CADM2: variants seen among roughly 807,000 people sequenced by gnomAD.
The protein encoded by CADM2 is cell adhesion molecule 2, also known as immunoglobulin superfamily member 4D.
In CADM2, 12 loss-of-function variants were observed where a neutral mutation model predicts 49.8. The observed-to-expected ratio is 0.24, with a 90% CI of 0.15 to 0.39. The LOEUF (loss-of-function observed/expected upper bound fraction) is 0.39, where lower values mean the gene tolerates loss of function less well. Among genes scored for constraint, CADM2 ranks in the 10% least tolerant of loss-of-function variants. The pLI, the probability that CADM2 is intolerant of heterozygous loss-of-function variation, is 1.00. For missense variants in CADM2, 378 were observed against 492.3 expected, an observed-to-expected ratio of 0.77 and a Z score of 2.20; for synonymous variants, 214 against 175.4, an observed-to-expected ratio of 1.22 and a Z score of -1.74.
intron 8 of CADM2, among the ~76,000 whole-genome samples, chr3:86,026,832 C>G (rs1224657813): frequency 6.6e-6 from 1 of 152,130 alleles, no homozygotes; most frequent in Non-Finnish European, 1.5e-5. Context: ...ATACTGAATA[C>G]TTCATGAATT....
chr3:85,925,440 TA>T (rs1465267747), intron 6 of CADM2, among the ~76,000 whole-genome samples: 2 of 152,148 alleles, frequency 1.3e-5, no homozygotes, highest in Admixed American at 6.6e-5. Context: ...TTTTCAGTAT[TA>T]AGAAATGTAA....
intron 1 of CADM2, among the ~76,000 whole-genome samples, chr3:85,360,244 G>T (rs931984539): frequency 1.3e-5 from 2 of 152,096 alleles, no homozygotes; most frequent in African/African-American, 4.8e-5. Context: ...TTCTCACAAA[G>T]CTTAGGACTT....
At chr3:85,191,180 T>C (rs2041198280) in intron 1 of CADM2, among the ~76,000 whole-genome samples, 1 of 151,962 alleles carries the variant, frequency 6.6e-6, no homozygotes, top group Non-Finnish European at 1.5e-5. Flanking sequence ...CTCCTAACTA[T>C]TCCCTCCTTC....
At chr3:85,081,177 CTTAAGT>C (rs2037150013) in intron 1 of CADM2, among the ~76,000 whole-genome samples, 1 of 151,996 alleles carries the variant, frequency 6.6e-6, no homozygotes, top group Non-Finnish European at 1.5e-5. Flanking sequence ...TCCATTTTAT[CTTAAGT>C]TTATGTTATA....
intron 1 of CADM2, among the ~76,000 whole-genome samples, chr3:85,439,140 A>G (rs986641123): frequency 6.7e-6 from 1 of 148,582 alleles, no homozygotes; most frequent in Non-Finnish European, 1.5e-5. Flanking sequence ...GTGACTTAAT[A>G]ATGACTTATA....
At chr3:85,601,517 C>T (rs564943194) in intron 1 of CADM2, among the ~76,000 whole-genome samples, 1 of 151,188 alleles carries the variant, frequency 6.6e-6, no homozygotes, top group Admixed American at 6.6e-5. Flanking sequence ...TTGTTTTTGT[C>T]ATTTAAATAC....
intron 1 of CADM2, among the ~76,000 whole-genome samples, chr3:85,237,958 C>T (rs1308158920): frequency 6.6e-6 from 1 of 151,468 alleles, no homozygotes; most frequent in Non-Finnish European, 1.5e-5. Flanking sequence ...AATATCAGCC[C>T]CATGATTTGC....
intron 6 of CADM2, among the ~76,000 whole-genome samples, chr3:85,924,461 C>T (rs760091839): frequency 6.6e-6 from 1 of 151,846 alleles, no homozygotes; most frequent in African/African-American, 2.4e-5. Flanking sequence ...TGAGTGGTGG[C>T]GTGTTCCTGT....
At chr3:85,198,349 T>C (rs1030165998) in intron 1 of CADM2, among the ~76,000 whole-genome samples, 3 of 151,688 alleles carry the variant, frequency 2.0e-5, no homozygotes, top group African/African-American at 4.8e-5. Flanking sequence ...GCAGGGGAGA[T>C]GTGTTCTTTA....
At chr3:85,622,102 A>C (rs2107492638) in intron 1 of CADM2, among the ~76,000 whole-genome samples, 1 of 152,328 alleles carries the variant, frequency 6.6e-6, no homozygotes, top group East Asian at 1.9e-4. Flanking sequence ...TATTTTCATT[A>C]GGTTACATAT....
intron 1 of CADM2, among the ~76,000 whole-genome samples, chr3:85,047,610 ATATCTT>A: frequency 6.6e-6 from 1 of 152,290 alleles, no homozygotes; most frequent in Admixed American, 6.5e-5. Context: ...TACATACAGT[ATATCTT>A]TAACTTTCAC....
At position 85,226,250 on chromosome 3, in the gene CADM2, AT is replaced by A. The variant is rs149057525; in HGVS notation, c.61+266595del. Among the ~76,000 whole-genome samples the A allele has an allele frequency of 3.7e-3, 540 of 145,530 alleles. 1 individual carries two copies. The highest frequency in any genetic ancestry group is 6.6e-3 in the African/African-American group (258 of 39,314). ...TGGCTATGAATCTGTCTGGTCCTGGATTTTTTTTTTTTTGATTGGTATGCTG... is the reference window on the plus strand; with the variant it reads ...TGGCTATGAATCTGTCTGGTCCTGGATTTTTTTTTTTTGATTGGTATGCTG... On this transcript the variant is annotated intron_variant, in intron 1 of 9. Transcript: ENST00000383699.
chr3:85,073,417 C>G (rs913576292), intron 1 of CADM2, among the ~76,000 whole-genome samples: 1 of 152,050 alleles, frequency 6.6e-6, no homozygotes, highest in Admixed American at 6.6e-5. Context: ...CAGTATACAT[C>G]TATGTAAATA....
intron 1 of CADM2, among the ~76,000 whole-genome samples, chr3:85,310,117 C>T (rs1316632298): frequency 6.6e-6 from 1 of 152,230 alleles, no homozygotes; most frequent in African/African-American, 2.4e-5. Context: ...ATGCCTTTCA[C>T]ATGTGCCATT....
At chr3:85,309,732 C>T (rs1472137977) in intron 1 of CADM2, among the ~76,000 whole-genome samples, 1 of 152,126 alleles carries the variant, frequency 6.6e-6, no homozygotes, top group East Asian at 1.9e-4. Context: ...CCTCTGGACA[C>T]GTTGACCATT....
intron 1 of CADM2, among the ~76,000 whole-genome samples, chr3:85,498,495 T>C (rs74567214): frequency 0.049 from 7,519 of 152,250 alleles, 626 homozygotes; most frequent in African/African-American, 0.17. Flanking sequence ...GTAGAAAAAC[T>C]GCTAAATTTG....
intron 1 of CADM2, chr3:85,511,772 C>A: frequency 2.3e-6 from 1 of 431,992 alleles, no homozygotes; most frequent in Non-Finnish European, 3.1e-6. Flanking sequence ...TGACTGTAAT[C>A]CACCATCTCT....
intron 8 of CADM2, among the ~76,000 whole-genome samples, chr3:86,060,356 A>G (rs1031642643): frequency 6.6e-6 from 1 of 152,130 alleles, no homozygotes; most frequent in African/African-American, 2.4e-5. Context: ...ATCCTAAGAC[A>G]CTACCTCCAT....
intron 1 of CADM2, among the ~76,000 whole-genome samples, chr3:85,467,682 A>G (rs1300455632): frequency 5.3e-5 from 8 of 152,166 alleles, no homozygotes; most frequent in Non-Finnish European, 1.0e-4. Context: ...ATTGTGAGCT[A>G]AAATAGTGTT....
Sources: gnomAD v4.1 joint callset for allele counts (sites outside exome capture counted in the v4.1 genomes callset) on GRCh38, gnomAD v4.1.1 for gene constraint, MANE v1.5 for transcripts, NCBI Gene and HGNC (gene_info 2026-07-23, HGNC 2026-07-21) for gene names.